RAD51B: variants seen among roughly 807,000 people sequenced by gnomAD.
The protein encoded by RAD51B is DNA repair protein RAD51 homolog 2.
In RAD51B, 38 loss-of-function variants were observed where a neutral mutation model predicts 42.2. The ratio of observed to expected loss-of-function variants is 0.90; its 90% CI spans 0.70 to 1.18. RAD51B has a LOEUF of 1.18. Ranked by LOEUF, RAD51B falls within the 50% of genes most tolerant of loss-of-function variation. The pLI, the probability that RAD51B is intolerant of heterozygous loss-of-function variation, is 0.00. For synonymous variants in RAD51B, 154 were observed against 145.2 expected (o/e 1.06, Z -0.43); for missense variants, 373 against 400.7 (o/e 0.93, Z 0.59).
chr14:68,356,383 C>T (rs1205829285), intron 8 of RAD51B, among the ~76,000 whole-genome samples: 3 of 143,010 alleles, frequency 2.1e-5, no homozygotes, highest in South Asian at 2.2e-4. Context: ...TGCAGTGAGC[C>T]GAGGTTGTGT....
chr14:68,014,947 C>G (rs145978729), intron 7 of RAD51B, among the ~76,000 whole-genome samples: 5 of 151,592 alleles, frequency 3.3e-5, no homozygotes, highest in Non-Finnish European at 5.9e-5. Flanking sequence ...TAGGGCCACC[C>G]GGGATGCTTT....
intron 10 of RAD51B, among the ~76,000 whole-genome samples, chr14:68,521,950 T>C (rs982480023): frequency 6.6e-6 from 1 of 152,196 alleles, no homozygotes; most frequent in African/African-American, 2.4e-5. Context: ...TTCAGCCCTA[T>C]GTTAACTGAC....
At chr14:68,086,883 C>T (rs1358390605) in intron 7 of RAD51B, among the ~76,000 whole-genome samples, 1 of 152,100 alleles carries the variant, frequency 6.6e-6, no homozygotes, top group Non-Finnish European at 1.5e-5. Context: ...TGACTGTCAT[C>T]CCAGCACTTT....
chr14:68,512,004 G>T (rs1418163433), intron 10 of RAD51B, among the ~76,000 whole-genome samples: 1 of 152,180 alleles, frequency 6.6e-6, no homozygotes, highest in Non-Finnish European at 1.5e-5. Context: ...CATTTCTGTG[G>T]ACTACATTAA....
downstream of RAD51B, among the ~76,000 whole-genome samples, chr14:68,615,106 T>A (rs1891798338): frequency 6.6e-6 from 1 of 152,148 alleles, no homozygotes. Flanking sequence ...CTCTTGACCT[T>A]GTGATCCACC....
In RAD51B at chr14:68,452,208, T is replaced by C. The variant is rs115315291; in HGVS notation, c.958-15964T>C. ...TTTTTTTTGGTTATTTAAATACTCCTGATTTAGGGTGGAGAAAGGGAATGG... is the reference window on the plus strand; with the variant it reads ...TTTTTTTTGGTTATTTAAATACTCCCGATTTAGGGTGGAGAAAGGGAATGG... On this transcript the variant is annotated intron_variant, in intron 9 of 10. Transcript: ENST00000471583. 5.7e-3 allele frequency among the ~76,000 whole-genome samples: 873 copies of C among 152,276 alleles called. 6 individuals are homozygous for C. Among genetic ancestry groups the C allele is most frequent in the African/African-American group, 0.018 (753 of 41,548 alleles).
Position 68,411,527 on chromosome 14 carries a change from G to C in RAD51B, c.957G>C (p.Gln319His), listed in dbSNP as rs368278073. ...ILQYLDSERR[Q>H]ILIAKSPLAP... The stretch of plus-strand genomic sequence containing the variant: ...AGTACCTTGATTCAGAGAGAAGACA[G>C]GTGGGTGCTTTGACAGTATTCTCTG... Residue 319 changes from glutamine (Q) to histidine (H), a missense_variant and splice_region_variant, in exon 9 of 11, where the codon CAG (glutamine) becomes CAC (histidine). Gln to His is a conservative substitution (Grantham distance 24). Coordinates refer to ENST00000471583, the MANE Select transcript of RAD51B (RefSeq NM_133510.4). 100 of 1,613,188 alleles carry C rather than the reference G, an allele frequency of 6.2e-5. No homozygotes were observed. Among genetic ancestry groups the C allele is most frequent in the Non-Finnish European group, 8.1e-5 (96 of 1,179,326 alleles).
At chr14:68,139,661 C>T (rs2078085230) in intron 7 of RAD51B, among the ~76,000 whole-genome samples, 1 of 152,176 alleles carries the variant, frequency 6.6e-6, no homozygotes. Flanking sequence ...ACAATTTCTC[C>T]CACCTGAACC....
chr14:68,650,997 C>G, intron 11 of RAD51B: 2 of 574,692 alleles, frequency 3.5e-6, no homozygotes, highest in Non-Finnish European at 6.2e-6. Flanking sequence ...ACACATATCT[C>G]AAAGGTTTGG....
intron 5 of RAD51B, among the ~76,000 whole-genome samples, chr14:67,883,256 G>C (rs532678056): frequency 6.9e-6 from 1 of 144,130 alleles, no homozygotes; most frequent in East Asian, 2.1e-4. Flanking sequence ...AAAGAAGTCA[G>C]ATCATGTTGT....
chr14:67,912,809 G>A (rs1477882373), intron 7 of RAD51B, among the ~76,000 whole-genome samples: 2 of 151,634 alleles, frequency 1.3e-5, no homozygotes, highest in Non-Finnish European at 2.9e-5. Flanking sequence ...AGGTTCAAGT[G>A]ATTCTCCTGC....
At chr14:67,856,843 CTT>C (rs66660865) in intron 4 of RAD51B, among the ~76,000 whole-genome samples, 36 of 147,490 alleles carry the variant, frequency 2.4e-4, no homozygotes, top group Non-Finnish European at 3.3e-4. Context: ...TCACTACTGA[CTT>C]TTTTTTTTTT....
In RAD51B at chr14:68,595,312, A is replaced by G. The variant is rs374143262; in HGVS notation, c.*709A>G. The G allele has an allele frequency of 2.7e-4, 285 of 1,066,414 alleles. 4 individuals are homozygous for G. In the South Asian group the frequency reaches 0.012, roughly 44 times the overall value. The allele number at this position is 1,066,414 out of a possible 1,614,324, so 66.1% of individuals were successfully genotyped here. On this transcript the variant is annotated 3_prime_UTR_variant, in exon 11 of 11. Transcript: ENST00000487270. ...GCATTTCGCTTCCTTTGCTGTTACA[A>G]TAAGCTTGCCTGCCTTGAAGAAAAG...
At chr14:68,497,235 C>T (rs1884595111) in intron 10 of RAD51B, 1 of 1,368,146 alleles carries the variant, frequency 7.3e-7, no homozygotes, top group African/African-American at 1.4e-5. Flanking sequence ...TGTGGTGAAA[C>T]ACCCATCGTT....
At chr14:68,551,447 T>G (rs1888566443) in intron 10 of RAD51B, among the ~76,000 whole-genome samples, 1 of 152,222 alleles carries the variant, frequency 6.6e-6, no homozygotes, top group Non-Finnish European at 1.5e-5. Flanking sequence ...GTCATCTGTC[T>G]CCTTGCTTTT....
At chr14:68,648,022 CGTATATATAT>C (rs1892598656) in intron 10 of RAD51B, among the ~76,000 whole-genome samples, 1 of 24,122 alleles carries the variant, frequency 4.1e-5, no homozygotes, top group Non-Finnish European at 7.8e-5. Context: ...TATATATATA[CGTATATATAT>C]ATATACACAC....
chr14:67,936,072 T>G (rs2140168809), intron 7 of RAD51B, among the ~76,000 whole-genome samples: 1 of 152,328 alleles, frequency 6.6e-6, no homozygotes, highest in South Asian at 2.1e-4. Flanking sequence ...AAACAAAAAT[T>G]TTAACAGCTT....
At chr14:68,060,025 G>A (rs1023684740) in intron 7 of RAD51B, among the ~76,000 whole-genome samples, 1 of 152,188 alleles carries the variant, frequency 6.6e-6, no homozygotes, top group African/African-American at 2.4e-5. Context: ...GCAGTGTGAT[G>A]CCAGAGGAAG....
At chr14:68,386,617 A>G (rs1226624778) in intron 8 of RAD51B, among the ~76,000 whole-genome samples, 5 of 152,166 alleles carry the variant, frequency 3.3e-5, no homozygotes, top group African/African-American at 9.7e-5. Context: ...CTGCCCTGAT[A>G]GTGCCTAGTA....
Sources: gnomAD v4.1 joint callset for allele counts (sites outside exome capture counted in the v4.1 genomes callset) on GRCh38, gnomAD v4.1.1 for gene constraint, MANE v1.5 for transcripts, NCBI Gene and HGNC (gene_info 2026-07-23, HGNC 2026-07-21) for gene names.